Variants in TNIP1 observed in about 807,000 individuals in gnomAD.
The protein encoded by TNIP1 is TNFAIP3-interacting protein 1.
In TNIP1, 22 loss-of-function variants were observed where a neutral mutation model predicts 86.6. The ratio of observed to expected loss-of-function variants is 0.25; its 90% CI spans 0.18 to 0.36. TNIP1 has a LOEUF of 0.36. Among genes scored for constraint, TNIP1 ranks in the 10% least tolerant of loss-of-function variants. The pLI, the probability that TNIP1 is intolerant of heterozygous loss-of-function variation, is 1.00. For synonymous variants in TNIP1, 294 were observed against 313.0 expected (o/e 0.94, Z 0.64); for missense variants, 709 against 820.6 (o/e 0.86, Z 1.66).
At chr5:151,055,682 A>C (rs1446075191) in intron 6 of TNIP1, among the ~76,000 whole-genome samples, 3 of 152,284 alleles carry the variant, frequency 2.0e-5, no homozygotes, top group South Asian at 2.1e-4. Context: ...TGCCCTCGGC[A>C]ACCAAGGTCA....
rs771777336 is a variant in TNIP1, at chr5:151,045,847, C to T, written c.936+14G>A. On this transcript the variant is annotated intron_variant, in intron 9 of 17. Coordinates refer to ENST00000521591, the MANE Select transcript of TNIP1 (RefSeq NM_006058.5). ...AAGAGGGATCCTCCCACTACTGCCA[C>T]CTCGGCCACCTACCTCACTGCGCTG... 4.0e-5 allele frequency: 65 copies of T among 1,613,424 alleles called. 1 individual carries two copies. The highest frequency in any genetic ancestry group is 3.5e-4 in the South Asian group (32 of 91,070).
In TNIP1 at chr5:151,059,893, G is replaced by A. The variant is rs1326183234; in HGVS notation, c.435+425C>T. 2.0e-5 allele frequency among the ~76,000 whole-genome samples: 3 copies of A among 146,726 alleles called. No homozygotes were observed. In the Admixed American group the frequency reaches 2.0e-4, roughly 10 times the overall value. ...CGCGCGCGCGCGCGCATGCGTGTAA[G>A]TGGAAAGTTGAACCTCCTTCCTGTG... is the stretch of plus-strand genomic sequence containing the variant. On this transcript the variant is annotated intron_variant, in intron 5 of 17. Transcript: ENST00000521591.
chr5:151,058,033 G>A (rs1277905916), intron 5 of TNIP1, among the ~76,000 whole-genome samples: 1 of 152,170 alleles, frequency 6.6e-6, no homozygotes, highest in Non-Finnish European at 1.5e-5. Flanking sequence ...CGATTCTCCT[G>A]CCTCAGGCTC....
intron 2 of TNIP1, 85 bp downstream of exon 2, chr5:151,064,875 C>T (rs1762041250): frequency 1.3e-6 from 2 of 1,587,972 alleles, no homozygotes; most frequent in African/African-American, 1.3e-5. Context: ...CATATGCCAG[C>T]TTCATTCTCC....
intron 1 of TNIP1, among the ~76,000 whole-genome samples, chr5:151,074,603 G>C (rs1460776954): frequency 6.6e-6 from 1 of 152,196 alleles, no homozygotes; most frequent in Non-Finnish European, 1.5e-5. Flanking sequence ...CAAGGAGCTA[G>C]GAAGGAAAAG....
intron 12 of TNIP1, chr5:151,037,268 G>A (rs944710511): frequency 6.1e-6 from 1 of 162,886 alleles, no homozygotes; most frequent in Non-Finnish European, 1.3e-5. Flanking sequence ...TACCCAGCAG[G>A]CTAAACTGGG....
chr5:151,073,226 G>C, intron 1 of TNIP1, among the ~76,000 whole-genome samples: 1 of 104,280 alleles, frequency 9.6e-6, no homozygotes, highest in East Asian at 3.2e-4. Context: ...CATCTCAAAA[G>C]AAAAAAAAAA....
At chr5:151,049,748 C>G in intron 8 of TNIP1, 76 bp downstream of exon 8, 1 of 1,561,642 alleles carries the variant, frequency 6.4e-7, no homozygotes, top group Non-Finnish European at 8.8e-7. Flanking sequence ...AGGAGGCTCA[C>G]TGTCACTGGA....
intron 5 of TNIP1, among the ~76,000 whole-genome samples, chr5:151,059,667 A>C (rs1761131250): frequency 1.3e-5 from 2 of 152,198 alleles, no homozygotes; most frequent in Non-Finnish European, 2.9e-5. Context: ...TTCTTCAATA[A>C]GTCTGCCATT....
intron 8 of TNIP1, among the ~76,000 whole-genome samples, chr5:151,048,220 G>A (rs983859026): frequency 6.6e-6 from 1 of 152,286 alleles, no homozygotes; most frequent in South Asian, 2.1e-4. Context: ...CTCTAGGGTG[G>A]TGCACCCTGA....
At chr5:151,065,627 G>T (rs1417522171) in intron 1 of TNIP1, among the ~76,000 whole-genome samples, 7 of 152,150 alleles carry the variant, frequency 4.6e-5, no homozygotes, top group Non-Finnish European at 5.9e-5. Context: ...CTCTCTGAGG[G>T]AGGGAAATGA....
intron 1 of TNIP1, among the ~76,000 whole-genome samples, chr5:151,068,666 GC>G (rs1229582838): frequency 1.3e-5 from 2 of 152,212 alleles, no homozygotes; most frequent in Admixed American, 6.5e-5. Context: ...AAGGCCCTGA[GC>G]AGGGAAGGCC....
chr5:151,066,738 T>C (rs1392607875), intron 1 of TNIP1, among the ~76,000 whole-genome samples: 1 of 152,148 alleles, frequency 6.6e-6, no homozygotes, highest in Non-Finnish European at 1.5e-5. Context: ...GGCGGTTAAG[T>C]AACTCAGCCA....
At chr5:151,062,040 A>G (rs1581862106) in intron 4 of TNIP1, 87 bp downstream of exon 4, 13 of 1,263,108 alleles carry the variant, frequency 1.0e-5, no homozygotes, top group Non-Finnish European at 1.5e-5. Flanking sequence ...CTTGACCTCA[A>G]CCCTCTTTCT....
chr5:151,032,168 C>T, intron 17 of TNIP1, 119 bp downstream of exon 17: 1 of 813,030 alleles, frequency 1.2e-6, no homozygotes, highest in South Asian at 1.8e-5. Context: ...TTTTGGAAAG[C>T]TGGGCCTCTC....
At chr5:151,067,321 A>G (rs2113745005) in intron 1 of TNIP1, among the ~76,000 whole-genome samples, 1 of 152,306 alleles carries the variant, frequency 6.6e-6, no homozygotes. Context: ...CTCTGTCCTC[A>G]CGAGGCTTGC....
intron 2 of TNIP1, 99 bp from the exon 3 acceptor site, chr5:151,063,846 G>A: frequency 2.0e-6 from 3 of 1,465,284 alleles, no homozygotes; most frequent in Middle Eastern, 2.5e-4. Flanking sequence ...CCTGGCTTCT[G>A]AGGCTCCAGG....
At chr5:151,082,822 T>G (rs1484365139), upstream of TNIP1, among the ~76,000 whole-genome samples, 1 of 152,246 alleles carries the variant, frequency 6.6e-6, no homozygotes, top group Non-Finnish European at 1.5e-5. Context: ...AAAACTCATT[T>G]ATTTATAAAG....
At chr5:151,077,855 A>G (rs1344479578) in intron 1 of TNIP1, among the ~76,000 whole-genome samples, 2 of 152,180 alleles carry the variant, frequency 1.3e-5, no homozygotes, top group Non-Finnish European at 2.9e-5. Context: ...TGGTATCAAA[A>G]TCTTTTAGGG....
Sources: gnomAD v4.1 joint callset for allele counts (sites outside exome capture counted in the v4.1 genomes callset) on GRCh38, gnomAD v4.1.1 for gene constraint, MANE v1.5 for transcripts, NCBI Gene and HGNC (gene_info 2026-07-23, HGNC 2026-07-21) for gene names.